The following RARB variants were observed in gnomAD, a reference collection of about 807,000 sequenced individuals.
RARB encodes the protein retinoic acid receptor beta.
In RARB, 17 loss-of-function variants were observed where a neutral mutation model predicts 51.9. The observed-to-expected ratio is 0.33, with a 90% CI of 0.22 to 0.49. The LOEUF is 0.49. Among genes scored for constraint, RARB ranks in the 20% least tolerant of loss-of-function variants. The probability of loss-of-function intolerance (pLI) is 0.99; values close to 1 mark genes in which losing one functional copy is unlikely to be tolerated. For synonymous variants in RARB, 215 were observed against 195.4 expected (o/e 1.10, Z -0.84); for missense variants, 369 against 550.8 (o/e 0.67, Z 3.30).
intron 3 of RARB, among the ~76,000 whole-genome samples, chr3:25,555,126 T>G (rs1004349330): frequency 6.6e-6 from 1 of 151,440 alleles, no homozygotes; most frequent in African/African-American, 2.5e-5. Context: ...TGAATAAAAT[T>G]AGTGAATGAA....
At chr3:25,033,064 C>T (rs1437901496) in intron 2 of RARB, among the ~76,000 whole-genome samples, 1 of 152,078 alleles carries the variant, frequency 6.6e-6, no homozygotes, top group Non-Finnish European at 1.5e-5. Flanking sequence ...CTTCTAGTTG[C>T]CAGTTATTCA....
intron 1 of RARB, among the ~76,000 whole-genome samples, chr3:25,431,500 G>T (rs1219037591): frequency 6.6e-6 from 1 of 152,084 alleles, no homozygotes; most frequent in Non-Finnish European, 1.5e-5. Context: ...TAAATATTAC[G>T]ATTGACGACT....
intron 1 of RARB, among the ~76,000 whole-genome samples, chr3:24,833,626 A>G (rs1478686930): frequency 6.6e-6 from 1 of 152,204 alleles, no homozygotes; most frequent in East Asian, 1.9e-4. Context: ...ACTACAAACA[A>G]CCTCCTAAAA....
At chr3:25,591,140 C>T (rs1701595101) in intron 5 of RARB, among the ~76,000 whole-genome samples, 2 of 152,168 alleles carry the variant, frequency 1.3e-5, no homozygotes, top group South Asian at 4.1e-4. Flanking sequence ...AATAACGACC[C>T]ATCAAATGAA....
At chr3:24,883,356 T>TTTGTGTGTG (rs3221508) in intron 2 of RARB, among the ~76,000 whole-genome samples, 1 of 143,672 alleles carries the variant, frequency 7.0e-6, no homozygotes, top group Non-Finnish European at 1.5e-5. Context: ...TCAACAATCA[T>TTTGTGTGTG]TGTGTGTGTG....
At chr3:25,313,849 C>G (rs1004313417) in intron 5 of RARB, among the ~76,000 whole-genome samples, 2 of 152,144 alleles carry the variant, frequency 1.3e-5, no homozygotes, top group South Asian at 4.2e-4. Context: ...GCAGAAAGAT[C>G]GCTTGAGCCC....
intron 5 of RARB, among the ~76,000 whole-genome samples, chr3:25,389,676 C>T (rs958800034): frequency 6.6e-6 from 1 of 152,156 alleles, no homozygotes; most frequent in African/African-American, 2.4e-5. Flanking sequence ...CTGAGCATCC[C>T]TTCTGTCTTC....
chr3:24,953,868 C>T (rs991864616), intron 2 of RARB, among the ~76,000 whole-genome samples: 5 of 152,164 alleles, frequency 3.3e-5, no homozygotes, highest in Admixed American at 2.6e-4. Flanking sequence ...TCTTCAAAGG[C>T]TTGGATATGA....
chr3:24,933,151 T>C (rs550120852), intron 2 of RARB, among the ~76,000 whole-genome samples: 115 of 152,218 alleles, frequency 7.6e-4, no homozygotes, highest in African/African-American at 2.6e-3. Context: ...ATGAATCTTT[T>C]TAAAAAAACA....
chr3:25,415,151 G>A (rs1175068927), intron 5 of RARB, among the ~76,000 whole-genome samples: 7 of 152,056 alleles, frequency 4.6e-5, no homozygotes, highest in Non-Finnish European at 7.4e-5. Context: ...TGTATGATTT[G>A]TCATTTTATT....
In RARB at chr3:25,219,772, A is replaced by G. The variant is rs541130050; in HGVS notation, c.178+45197A>G. ...GTCCCGTTAGATTTGTCAAAGAACC[A>G]TACTACCAAATGGTTTCAGAATACA... On this transcript the variant is annotated intron_variant, in intron 5 of 11. Coordinates refer to the RARB transcript ENST00000383772. Among the ~76,000 whole-genome samples the G allele has an allele frequency of 9.2e-5, 14 of 152,306 alleles. No homozygotes were observed. In the South Asian group the frequency reaches 2.9e-3, roughly 32 times the overall value.
At chr3:25,078,943 T>C (rs1698933097) in intron 3 of RARB, among the ~76,000 whole-genome samples, 2 of 152,196 alleles carry the variant, frequency 1.3e-5, no homozygotes, top group Non-Finnish European at 2.9e-5. Flanking sequence ...TTGAGATTTG[T>C]ATTAGAATTG....
intron 4 of RARB, among the ~76,000 whole-genome samples, chr3:25,170,074 A>G (rs1352199191): frequency 2.0e-5 from 3 of 151,994 alleles, no homozygotes; most frequent in African/African-American, 4.8e-5. Context: ...AGAAGGATAG[A>G]GAGCTGTTAT....
intron 3 of RARB, among the ~76,000 whole-genome samples, chr3:25,078,532 C>CCA (rs1214658777): frequency 1.8e-5 from 1 of 56,058 alleles, no homozygotes; most frequent in Non-Finnish European, 3.4e-5. Context: ...CTCCAACTTT[C>CCA]TATTTTTTTT....
At position 25,097,781 on chromosome 3, in the gene RARB, C is replaced by G. The variant is rs368135527; in HGVS notation, c.-327-34380C>G. On this transcript the variant is annotated intron_variant, in intron 3 of 11. Coordinates refer to the RARB transcript ENST00000383772. Reference sequence around the variant, plus strand: ...CTCCTCATTAGCCTTAGTTTCATATCTGTGTCTCAGGTCACAGGTGGTTCT... The same window carrying G: ...CTCCTCATTAGCCTTAGTTTCATATGTGTGTCTCAGGTCACAGGTGGTTCT... Among the ~76,000 whole-genome samples the G allele has an allele frequency of 2.4e-4, 37 of 152,292 alleles. 1 individual carries two copies. In the East Asian group the frequency reaches 3.5e-3, roughly 14 times the overall value.
chr3:25,185,542 A>T (rs1256227875), intron 5 of RARB, among the ~76,000 whole-genome samples: 1 of 152,168 alleles, frequency 6.6e-6, no homozygotes, highest in Admixed American at 6.5e-5. Context: ...TAACCTTGAC[A>T]TTTCATACAA....
At chr3:25,487,464 G>A (rs1454811709) in intron 2 of RARB, among the ~76,000 whole-genome samples, 1 of 106,086 alleles carries the variant, frequency 9.4e-6, no homozygotes, top group African/African-American at 3.0e-5. Context: ...AATAATTTAT[G>A]TCCGGCACTT....
chr3:25,358,620 A>T (rs917164851), intron 5 of RARB, among the ~76,000 whole-genome samples: 5 of 152,130 alleles, frequency 3.3e-5, no homozygotes, highest in African/African-American at 1.2e-4. Flanking sequence ...GTGCGTTCTC[A>T]TTAATAGCTC....
At chr3:24,995,921 T>G (rs940932804) in intron 2 of RARB, among the ~76,000 whole-genome samples, 4 of 152,128 alleles carry the variant, frequency 2.6e-5, no homozygotes, top group African/African-American at 9.7e-5. Flanking sequence ...TGTAGTTTTC[T>G]TTATTGTTGT....
Sources: allele counts gnomAD v4.1 joint callset (sites outside exome capture counted in the v4.1 genomes callset), GRCh38; gene constraint gnomAD v4.1.1; transcripts MANE v1.5; gene names NCBI Gene and HGNC (gene_info 2026-07-23, HGNC 2026-07-21).